Variants in ATXN1 observed in about 807,000 individuals in gnomAD.
The protein encoded by ATXN1 is ataxin-1.
A neutral mutation model predicts 56.4 loss-of-function variants in ATXN1; 8 were observed. The observed-to-expected ratio is 0.14, with a 90% confidence interval of 0.08 to 0.26. ATXN1 has a LOEUF of 0.26. ATXN1 is among the 10% of genes least tolerant of loss of function. The pLI is 1.00. For synonymous variants in ATXN1, 514 were observed against 494.6 expected, an observed-to-expected ratio of 1.04 and a Z score of -0.52; for missense variants, 987 against 1,106.5, an observed-to-expected ratio of 0.89 and a Z score of 1.53.
At chr6:16,307,712 T>C (rs1162671295) in intron 7 of ATXN1, among the ~76,000 whole-genome samples, 2 of 151,866 alleles carry the variant, frequency 1.3e-5, no homozygotes, top group Admixed American at 1.3e-4. Context: ...CAATGTCCTT[T>C]CTAGATGTAG....
chr6:16,730,007 G>A (rs1157111520), intron 2 of ATXN1, among the ~76,000 whole-genome samples: 3 of 152,254 alleles, frequency 2.0e-5, no homozygotes, highest in Non-Finnish European at 2.9e-5. Flanking sequence ...AATTGGCCAA[G>A]CGCGATGGCG....
At chr6:16,376,563 T>C (rs1762144841) in intron 6 of ATXN1, among the ~76,000 whole-genome samples, 1 of 152,188 alleles carries the variant, frequency 6.6e-6, no homozygotes, top group Admixed American at 6.5e-5. Flanking sequence ...AAATGGTGGA[T>C]TGGAGAGAGG....
intron 2 of ATXN1, among the ~76,000 whole-genome samples, chr6:16,692,748 C>A (rs1252832642): frequency 6.6e-6 from 1 of 152,158 alleles, no homozygotes; most frequent in Non-Finnish European, 1.5e-5. Context: ...TGTGTTCTTA[C>A]AGGTACATTC....
chr6:16,469,872 A>G (rs1351743969), intron 6 of ATXN1, among the ~76,000 whole-genome samples: 1 of 152,044 alleles, frequency 6.6e-6, no homozygotes, highest in African/African-American at 2.4e-5. Flanking sequence ...CTGAGGCAAC[A>G]GAATTGCTTG....
intron 3 of ATXN1, among the ~76,000 whole-genome samples, 162 bp from the exon 4 acceptor site, chr6:16,586,069 G>C (rs964564337): frequency 3.7e-5 from 5 of 135,468 alleles, no homozygotes; most frequent in Non-Finnish European, 6.3e-5. Flanking sequence ...ACACACACAA[G>C]GTTTTTAAAT....
chr6:16,416,748 AT>A (rs1230112411), intron 6 of ATXN1, among the ~76,000 whole-genome samples: 1 of 152,184 alleles, frequency 6.6e-6, no homozygotes, highest in Non-Finnish European at 1.5e-5. Flanking sequence ...CGCTTAGTTC[AT>A]GGTTCCTATC....
At chr6:16,344,839 C>A (rs1047693796) in intron 6 of ATXN1, among the ~76,000 whole-genome samples, 1 of 152,220 alleles carries the variant, frequency 6.6e-6, no homozygotes, top group Non-Finnish European at 1.5e-5. Flanking sequence ...GTCTAGAGAA[C>A]CCTGACTAAT....
At chr6:16,324,210 G>A (rs1760750053) in intron 7 of ATXN1, among the ~76,000 whole-genome samples, 1 of 152,108 alleles carries the variant, frequency 6.6e-6, no homozygotes, top group Admixed American at 6.6e-5. Flanking sequence ...GGGAGGCCGA[G>A]GTGGAAGGAC....
At chr6:16,704,579 A>G (rs768601445) in intron 2 of ATXN1, among the ~76,000 whole-genome samples, 3 of 152,192 alleles carry the variant, frequency 2.0e-5, no homozygotes, top group Admixed American at 2.0e-4. Flanking sequence ...CTTACCAACA[A>G]GAAGTACTTC....
At chr6:16,553,939 A>G (rs1761965747) in intron 4 of ATXN1, among the ~76,000 whole-genome samples, 1 of 152,228 alleles carries the variant, frequency 6.6e-6, no homozygotes, top group African/African-American at 2.4e-5. Context: ...CAAAGCCTAA[A>G]GCATTTAGGG....
intron 4 of ATXN1, among the ~76,000 whole-genome samples, chr6:16,539,459 A>G (rs1019241319): frequency 2.0e-5 from 3 of 152,202 alleles, no homozygotes; most frequent in African/African-American, 7.2e-5. Flanking sequence ...GTTATGGAGA[A>G]TTGGAATCTA....
In ATXN1 at chr6:16,640,099, G is replaced by A. The variant is rs146111490; in HGVS notation, c.-489+17677C>T. Among the ~76,000 whole-genome samples, 377 of 152,024 alleles carry A rather than the reference G, an allele frequency of 2.5e-3. 3 individuals carry two copies. The highest frequency in any genetic ancestry group is 8.2e-3 in the African/African-American group (340 of 41,454). On this transcript the variant is annotated intron_variant, in intron 3 of 7. Transcript: ENST00000436367. ...CAAATTGAAGTTCTGTGGCAACCCCGTGTCAAGCAACTCCACCAGCATCAC... is the reference window on the plus strand; with the variant it reads ...CAAATTGAAGTTCTGTGGCAACCCCATGTCAAGCAACTCCACCAGCATCAC...
chr6:16,537,443 G>T (rs1229380998), intron 4 of ATXN1, among the ~76,000 whole-genome samples: 2 of 151,714 alleles, frequency 1.3e-5, no homozygotes, highest in Non-Finnish European at 2.9e-5. Context: ...GGTGGCTCAC[G>T]CATGTAATCC....
intron 6 of ATXN1, among the ~76,000 whole-genome samples, chr6:16,346,131 C>T (rs528945608): frequency 6.6e-6 from 1 of 152,326 alleles, no homozygotes; most frequent in South Asian, 2.1e-4. Context: ...TCCCAGCTCA[C>T]TGCAACCTCC....
intron 3 of ATXN1, among the ~76,000 whole-genome samples, chr6:16,601,063 T>C (rs1404154087): frequency 6.6e-6 from 1 of 152,098 alleles, no homozygotes; most frequent in African/African-American, 2.4e-5. Context: ...ATTATACGGG[T>C]AGTCAAAAAA....
intron 6 of ATXN1, among the ~76,000 whole-genome samples, chr6:16,439,385 A>AG (rs1759465735): frequency 1.8e-4 from 1 of 5,666 alleles, no homozygotes; most frequent in African/African-American, 1.0e-3. Flanking sequence ...GGGCGGGAAT[A>AG]AGGGTTGGGG....
chr6:16,321,458 G>A (rs1198719886), intron 7 of ATXN1, among the ~76,000 whole-genome samples: 1 of 152,216 alleles, frequency 6.6e-6, no homozygotes, highest in Non-Finnish European at 1.5e-5. Context: ...TTCCTTTGGT[G>A]CACGCAGTAA....
At chr6:16,459,823 T>C (rs185421953) in intron 6 of ATXN1, among the ~76,000 whole-genome samples, 1 of 152,312 alleles carries the variant, frequency 6.6e-6, no homozygotes, top group East Asian at 1.9e-4. Context: ...GATGATTTAC[T>C]TTTGGCTACC....
chr6:16,310,862 T>C (rs1202520362), intron 7 of ATXN1, among the ~76,000 whole-genome samples: 1 of 152,248 alleles, frequency 6.6e-6, no homozygotes, highest in Non-Finnish European at 1.5e-5. Flanking sequence ...ACTTTAAAAG[T>C]AGTAGATTTC....
Sources: allele counts gnomAD v4.1 joint callset (sites outside exome capture counted in the v4.1 genomes callset), GRCh38; gene constraint gnomAD v4.1.1; transcripts MANE v1.5; gene names NCBI Gene and HGNC (gene_info 2026-07-23, HGNC 2026-07-21).